Variants in ROBO4 observed in about 807,000 individuals in gnomAD.
The protein encoded by ROBO4 is roundabout guidance receptor 4, also known as roundabout homolog 4.
In ROBO4, 80 loss-of-function variants were observed where a neutral mutation model predicts 103.3. The observed-to-expected ratio is 0.77, with a 90% CI of 0.65 to 0.93. The LOEUF is 0.93. Among genes scored for constraint, ROBO4 ranks in the 40% least tolerant of loss-of-function variants. The pLI is 0.00. For synonymous variants in ROBO4, 504 were observed against 529.7 expected (o/e 0.95, Z 0.67); for missense variants, 1,333 against 1,305.3 (o/e 1.02, Z -0.33).
At chr11:124,886,864 A>T in intron 15 of ROBO4, 42 bp from the exon 16 acceptor site, 1 of 1,529,014 alleles carries the variant, frequency 6.5e-7, no homozygotes, top group Non-Finnish European at 8.8e-7. Context: ...GTTTGGGTGG[A>T]ATGAGGGTTG....
chr11:124,891,684 G>A lies in ROBO4; in HGVS notation c.1666C>T (p.Leu556=). 1 of 1,614,192 alleles carries A rather than the reference G, an allele frequency of 6.2e-7. No homozygotes were observed. The highest frequency in any genetic ancestry group is 8.5e-7 in the Non-Finnish European group (1 of 1,180,042). Residue 556 remains leucine, a synonymous_variant, in exon 11 of 18, where the codon CTA becomes TTA. Transcript: ENST00000306534. ...SRLGADARDP[L]DCRRSLLSWD... ...TGCTCACAGGAGCGACGACAGTCTA[G>A]TGGGTCCCGGGCATCCGCCCCCAGC...
At chr11:124,892,914 G>C (rs1363384386) in intron 10 of ROBO4, 1 of 152,620 alleles carries the variant, frequency 6.6e-6, no homozygotes, top group Non-Finnish European at 1.5e-5. Context: ...AGCCAGCTTG[G>C]ACCCCTGCTC....
intron 12 of ROBO4, among the ~76,000 whole-genome samples, chr11:124,889,849 G>C (rs947339801): frequency 6.6e-6 from 1 of 152,192 alleles, no homozygotes; most frequent in African/African-American, 2.4e-5. Context: ...TTGCTGCTGA[G>C]GTCCTGGGAG....
rs753955773 is a variant in ROBO4 at position 124,896,197 on chromosome 11, C to T, written c.679+1G>A. 6.2e-7 allele frequency: 1 copy of T among 1,613,736 alleles called. No homozygotes were observed. Among genetic ancestry groups the T allele is most frequent in the Non-Finnish European group, 8.5e-7 (1 of 1,179,880 alleles). On this transcript the variant is annotated splice_donor_variant, in intron 4 of 17. Coordinates refer to ENST00000306534, the MANE Select transcript of ROBO4 (RefSeq NM_019055.6). LOFTEE classifies it high-confidence loss of function. ...TGATTGTAGCCCACCCCTGCCCTTA[C>T]CCTGGATGGAAACCCGGGCTGCGCG... is the stretch of plus-strand genomic sequence containing the variant.
Position 124,895,167 on chromosome 11 carries a change from T to C in ROBO4, c.1063A>G (p.Thr355Ala), listed in dbSNP as rs1198599503. 12 of 1,613,462 alleles carry C rather than the reference T, an allele frequency of 7.4e-6. No homozygotes were observed. The highest frequency in any genetic ancestry group is 1.3e-5 in the African/African-American group (1 of 74,688). ...ACAGTGCCATTGCCAGGCTTTAGAG[T>C]CACTTCCTGAGGTGGGGCACTGGGC... ...KVPSAPPQEV[T>A]LKPGNGTVFV... The change falls in exon 7 of 18, where the codon ACT becomes GCT. Residue 355 changes from threonine to alanine, a missense_variant. Thr to Ala is a moderately conservative substitution (Grantham distance 58). Transcript: ENST00000306534.
chr11:124,886,898 AG>A (rs1946723027), intron 15 of ROBO4, 76 bp from the exon 16 acceptor site: 1 of 1,536,340 alleles, frequency 6.5e-7, no homozygotes, highest in Non-Finnish European at 8.8e-7. Context: ...GCCCCAGTTG[AG>A]GGAGGGCGGA....
chr11:124,896,586 C>T lies in ROBO4; in HGVS notation c.485G>A (p.Trp162Ter). 6.2e-7 allele frequency: 1 copy of T among 1,614,128 alleles called. No homozygotes were observed. Among genetic ancestry groups the T allele is most frequent in the Non-Finnish European group, 8.5e-7 (1 of 1,179,984 alleles). ...EQFTLECGPP[W>*]GHPEPTVSWW... ...TGAGACTGTGGGCTCTGGGTGGCCC[C>T]AGGGCGGCCCACATTCCAGAGTAAA... The change falls in exon 3 of 18, where the codon TGG (tryptophan) becomes TAG (stop). Residue 162 changes from tryptophan to a stop codon, truncating the protein, a stop_gained. Transcript: ENST00000306534. LOFTEE classifies it high-confidence loss of function.
Position 124,895,774 on chromosome 11 carries a change from C to T in ROBO4, c.807+11G>A, listed in dbSNP as rs775064977. On this transcript the variant is annotated intron_variant, in intron 5 of 17. Transcript: ENST00000306534. Reference sequence around the variant, plus strand: ...CTGGATCGGCTTTTACCCTTAGCACCTGGTCCTCACCTTCCAGCTGAGCCA... The same window carrying T: ...CTGGATCGGCTTTTACCCTTAGCACTTGGTCCTCACCTTCCAGCTGAGCCA... The T allele has an allele frequency of 3.7e-6, 6 of 1,614,098 alleles. No individual in the cohort carries two copies. In the South Asian group the frequency reaches 4.4e-5, roughly 12 times the overall value.
Position 124,895,466 on chromosome 11 carries a change from G to T in ROBO4, c.1027C>A (p.Pro343Thr), listed in dbSNP as rs1474406808. 1 of 1,609,288 alleles carries T rather than the reference G, an allele frequency of 6.2e-7. No homozygotes were observed. The change falls in exon 6 of 18, where the codon CCG (proline) becomes ACG (threonine). Residue 343 changes from proline (P) to threonine (T), a missense_variant. Pro to Thr is a conservative substitution (Grantham distance 38). Transcript: ENST00000306534. ...GGGATCAGGCCCTGACCTTTTTCCG[G>T]CAGCCTCAGGAGCAGCACGTTGCTG... ...PDSNVLLLRLPEKVPSAPPQE... is the reference protein window; with the variant it reads ...PDSNVLLLRLTEKVPSAPPQE...
chr11:124,890,328 A>C (rs1005150192), intron 12 of ROBO4, among the ~76,000 whole-genome samples: 6 of 145,014 alleles, frequency 4.1e-5, no homozygotes, highest in Non-Finnish European at 8.8e-5. Flanking sequence ...AATCCACTTA[A>C]AAAAAAGACT....
In ROBO4 at chr11:124,887,390, A is replaced by G. The variant is rs999232865; in HGVS notation, c.2166T>C (p.His722=). The change falls in exon 14 of 18, where the codon CAT becomes CAC. Residue 722 remains histidine (H), a synonymous_variant. Coordinates refer to ENST00000306534, the MANE Select transcript of ROBO4 (RefSeq NM_019055.6). ...GTTGACTCTGAGTTGGGGGAGTTTC[A>G]TGAGGAAAGAGGGGTGCTGGAGGGA... ...RHLPPAPLFP[H]ETPPTQSQQT... The G allele has an allele frequency of 6.2e-7, 1 of 1,613,800 alleles. No individual in the cohort carries two copies. The highest frequency in any genetic ancestry group is 8.5e-7 in the Non-Finnish European group (1 of 1,179,872).
chr11:124,895,222 G>T, intron 6 of ROBO4, 29 bp from the exon 7 acceptor site: 1 of 1,536,544 alleles, frequency 6.5e-7, no homozygotes, highest in Non-Finnish European at 9.0e-7. Context: ...GACTATGAGG[G>T]GCTCTGAGGG....
At position 124,887,576 on chromosome 11, in the gene ROBO4, C is replaced by A. The variant is rs574687601; in HGVS notation, c.2057-77G>T. On this transcript the variant is annotated intron_variant, in intron 13 of 17. Coordinates refer to ENST00000306534, the MANE Select transcript of ROBO4 (RefSeq NM_019055.6). ...GAGCTCAGCCTGCCGGCCTGCCCAC[C>A]AGCCCCCTTAGCTACCTGTCCACTA... 1.1e-5 allele frequency: 17 copies of A among 1,589,366 alleles called. No individual in the cohort carries two copies. In the East Asian group the frequency reaches 3.4e-4, roughly 31 times the overall value.
chr11:124,893,587 A>G, intron 10 of ROBO4, 101 bp downstream of exon 10: 1 of 1,094,812 alleles, frequency 9.1e-7, no homozygotes, highest in East Asian at 2.4e-5. Context: ...CGACAGTCCC[A>G]AACTCCCTGG....
At chr11:124,894,738 G>A (rs1198571409) in intron 7 of ROBO4, among the ~76,000 whole-genome samples, 1 of 152,214 alleles carries the variant, frequency 6.6e-6, no homozygotes, top group African/African-American at 2.4e-5. Flanking sequence ...TCCTGGGTGA[G>A]GCTGATGTTG....
At position 124,886,657 on chromosome 11, in the gene ROBO4, G is replaced by A. The variant is rs1372341580; in HGVS notation, c.2601C>T (p.Thr867=). Residue 867 remains threonine (T), a synonymous_variant, in exon 16 of 18, where the codon ACC becomes ACT. Transcript: ENST00000306534. ...CATTGGCTAAGGAGCCCTCGCTGGG[G>A]GTGGGGGTGAGGCAGGGCCGAGGTG... ...LCPPRPCLTP[T]PSEGSLANGW... 1.2e-6 allele frequency: 2 copies of A among 1,613,916 alleles called. No individual in the cohort carries two copies. The highest frequency in any genetic ancestry group is 2.2e-5 in the East Asian group (1 of 44,886).
In ROBO4 at chr11:124,891,840, C is replaced by T. The variant is rs761738494; in HGVS notation, c.1548-38G>A. ...AGGGAGGGGGTGAGGCCAGGAGAAACAGGGAGAAGTGAGAACCTTTTTGGC... is the reference window on the plus strand; with the variant it reads ...AGGGAGGGGGTGAGGCCAGGAGAAATAGGGAGAAGTGAGAACCTTTTTGGC... On this transcript the variant is annotated intron_variant, in intron 10 of 17. Coordinates refer to ENST00000306534, the MANE Select transcript of ROBO4 (RefSeq NM_019055.6). The T allele has an allele frequency of 6.8e-6, 11 of 1,611,074 alleles. No homozygotes were observed. In the East Asian group the frequency reaches 1.1e-4, roughly 16 times the overall value.
chr11:124,897,312 A>C, intron 1 of ROBO4, 51 bp from the exon 2 acceptor site: 1 of 1,285,792 alleles, frequency 7.8e-7, no homozygotes, highest in Non-Finnish European at 1.0e-6. Flanking sequence ...AACACCCCAA[A>C]TTCCTGGCCC....
chr11:124,886,519 A>G lies in ROBO4; in HGVS notation c.2739T>C (p.Ala913=), dbSNP rs1192665948. Residue 913 remains alanine, a synonymous_variant, in exon 16 of 18, where the codon GCT becomes GCC. Transcript: ENST00000306534. ...DAHFARALAV[A]VDSFGFGLEP... ...CTAGACCGAAACCAAAGCTATCCAC[A>G]GCCACTGCCAGGGCCCGGGCAAAGT... The G allele has an allele frequency of 3.1e-6, 5 of 1,614,074 alleles. No homozygotes were observed. The highest frequency in any genetic ancestry group is 4.2e-6 in the Non-Finnish European group (5 of 1,180,038).
Sources: allele counts gnomAD v4.1 joint callset (sites outside exome capture counted in the v4.1 genomes callset), GRCh38; gene constraint gnomAD v4.1.1; transcripts MANE v1.5; gene names NCBI Gene and HGNC (gene_info 2026-07-23, HGNC 2026-07-21).